The following TPH2 variants were observed in gnomAD, a reference collection of about 807,000 sequenced individuals.
TPH2 encodes the protein tryptophan hydroxylase 2.
TPH2 carries 27 observed loss-of-function variants against 59.1 expected under a neutral mutation model. The observed-to-expected ratio is 0.46, with a 90% CI of 0.34 to 0.63. The LOEUF (loss-of-function observed/expected upper bound fraction) is 0.63. Among genes scored for constraint, TPH2 ranks in the 30% least tolerant of loss-of-function variants. TPH2 has a pLI of 0.01. For missense variants in TPH2, 523 were observed against 588.3 expected, an observed-to-expected ratio of 0.89 and a Z score of 1.15; for synonymous variants, 220 against 210.5, an observed-to-expected ratio of 1.05 and a Z score of -0.39.
In TPH2 at chr12:71,940,299, C is replaced by G. The variant is rs527872359; in HGVS notation, c.105+1208C>G. Among the ~76,000 whole-genome samples the G allele has an allele frequency of 1.5e-3, 231 of 152,222 alleles. 3 individuals carry two copies. The highest frequency in any genetic ancestry group is 1.2e-4 in the Non-Finnish European group (8 of 67,998). Reference sequence around the variant, plus strand: ...ACTGAGACATTTGAGCTTTTAATGACTAAACATACTGTCAAATGTCAATGT... The same window carrying G: ...ACTGAGACATTTGAGCTTTTAATGAGTAAACATACTGTCAAATGTCAATGT... On this transcript the variant is annotated intron_variant, in intron 1 of 10. Transcript: ENST00000333850.
intron 6 of TPH2, among the ~76,000 whole-genome samples, chr12:71,974,751 G>A (rs528860616): frequency 6.6e-6 from 1 of 152,240 alleles, no homozygotes; most frequent in South Asian, 2.1e-4. Flanking sequence ...TGGTAAATCT[G>A]TCCTTTTCCT....
At chr12:71,957,475 T>C (rs1399118582) in intron 5 of TPH2, among the ~76,000 whole-genome samples, 3 of 151,956 alleles carry the variant, frequency 2.0e-5, no homozygotes, top group Non-Finnish European at 4.4e-5. Flanking sequence ...TTGCTGGGAC[T>C]ACAGGTGTGT....
At chr12:71,981,988 A>ATT in intron 7 of TPH2, among the ~76,000 whole-genome samples, 1 of 83,452 alleles carries the variant, frequency 1.2e-5, no homozygotes, top group East Asian at 3.0e-4. Context: ...CAAGCCCTTT[A>ATT]TTTTTTGTGG....
chr12:72,001,727 C>A (rs1872828248), intron 8 of TPH2, among the ~76,000 whole-genome samples: 1 of 152,090 alleles, frequency 6.6e-6, no homozygotes, highest in Admixed American at 6.5e-5. Flanking sequence ...TGGAGTGAAT[C>A]TCCAAAAGTG....
rs1166215576 is a variant in TPH2 at position 71,938,860 on chromosome 12, AC to A, written c.-125del. 5 of 788,594 alleles carry A rather than the reference AC, an allele frequency of 6.3e-6. No homozygotes were observed. Among genetic ancestry groups the A allele is most frequent in the Non-Finnish European group, 1.1e-5 (5 of 447,938 alleles). The allele number at this position is 788,594 out of a possible 1,614,324, so 48.8% of individuals were successfully genotyped here. On this transcript the variant is annotated 5_prime_UTR_variant, in exon 1 of 11. Coordinates refer to ENST00000333850, the MANE Select transcript of TPH2 (RefSeq NM_173353.4). ...GGGAGGATTCGCATTGCTCTTCAGC[AC>A]CAGGGTTCTGGACAGCGCCCCAAGC...
intron 6 of TPH2, among the ~76,000 whole-genome samples, chr12:71,978,145 A>C (rs1872171137): frequency 6.6e-6 from 1 of 151,994 alleles, no homozygotes; most frequent in Non-Finnish European, 1.5e-5. Context: ...CTAACAATGC[A>C]TTTCCTAGAA....
chr12:71,987,747 C>T (rs950398311), intron 7 of TPH2, among the ~76,000 whole-genome samples: 2 of 152,050 alleles, frequency 1.3e-5, no homozygotes, highest in South Asian at 2.1e-4. Context: ...AGCTACTCGG[C>T]GGGCTGAGGC....
chr12:71,961,575 A>G, intron 5 of TPH2: 1 of 1,352,112 alleles, frequency 7.4e-7, no homozygotes, highest in South Asian at 1.1e-5. Flanking sequence ...GTTAGCTGCT[A>G]TTGGCGACTG....
chr12:71,994,591 A>C (rs571084154), intron 8 of TPH2, 26 bp downstream of exon 8: 1 of 1,613,224 alleles, frequency 6.2e-7, no homozygotes, highest in Middle Eastern at 1.7e-4. Flanking sequence ...ACTTAAAACC[A>C]GTGCTATTTA....
At chr12:72,021,188 T>C (rs1218192241) in intron 8 of TPH2, among the ~76,000 whole-genome samples, 1 of 152,196 alleles carries the variant, frequency 6.6e-6, no homozygotes, top group Non-Finnish European at 1.5e-5. Context: ...GAGTTCAGCC[T>C]CTCTCAACAG....
chr12:71,999,751 G>A (rs1872776469), intron 8 of TPH2, among the ~76,000 whole-genome samples: 1 of 152,160 alleles, frequency 6.6e-6, no homozygotes, highest in Admixed American at 6.5e-5. Flanking sequence ...GAAAACAAAA[G>A]GTTCTTTGGC....
chr12:72,019,937 G>T (rs1416366025), intron 8 of TPH2, among the ~76,000 whole-genome samples: 1 of 152,152 alleles, frequency 6.6e-6, no homozygotes, highest in Non-Finnish European at 1.5e-5. Flanking sequence ...ACTAGAACTT[G>T]GATCCCTTTG....
At chr12:72,014,521 G>A (rs1873187678) in intron 8 of TPH2, among the ~76,000 whole-genome samples, 1 of 151,654 alleles carries the variant, frequency 6.6e-6, no homozygotes, top group Non-Finnish European at 1.5e-5. Context: ...CTCCAGAGTA[G>A]CTGGGATTAC....
rs147158280 is a variant in TPH2, at chr12:71,950,365, A to G, written c.608+710A>G. 9.0e-4 allele frequency among the ~76,000 whole-genome samples: 137 copies of G among 152,182 alleles called. 4 individuals carry two copies. In the East Asian group the frequency reaches 0.014, roughly 15 times the overall value. ...AGCGAAGGGAGATAAGGGTGGGGCC[A>G]TTTTATAGGATTTGGGTCAATAAAG... is the stretch of plus-strand genomic sequence containing the variant. On this transcript the variant is annotated intron_variant, in intron 5 of 10. Transcript: ENST00000333850.
intron 8 of TPH2, among the ~76,000 whole-genome samples, chr12:71,998,028 C>T (rs1002728920): frequency 1.3e-5 from 2 of 152,060 alleles, no homozygotes; most frequent in Admixed American, 6.6e-5. Context: ...TCCAAGGAGG[C>T]CAACCTACCT....
chr12:72,017,529 CT>C (rs1873293148), intron 8 of TPH2, among the ~76,000 whole-genome samples: 1 of 152,026 alleles, frequency 6.6e-6, no homozygotes, highest in African/African-American at 2.4e-5. Context: ...TGAACACCAG[CT>C]TTGATGAAAG....
chr12:72,000,430 G>A (rs1872793701), intron 8 of TPH2, among the ~76,000 whole-genome samples: 1 of 152,178 alleles, frequency 6.6e-6, no homozygotes, highest in East Asian at 1.9e-4. Flanking sequence ...TGTATACGAA[G>A]TAACCTGAGG....
Position 71,944,594 on chromosome 12 carries a change from G to T in TPH2, c.448G>T (p.Asp150Tyr). ...TGCACTGTTTTCAACAGAGCTAGAG[G>T]ATGTGCCCTGGTTCCCTCGGAAGAT... The part of the protein sequence containing the change: ...NIWTEEEELE[D>Y]VPWFPRKISE... Residue 150 changes from aspartate to tyrosine, a missense_variant, in exon 4 of 11, where the codon GAT becomes TAT. Transcript: ENST00000333850. 1 of 1,613,918 alleles carries T rather than the reference G, an allele frequency of 6.2e-7. No homozygotes were observed.
At chr12:71,979,698 T>G (rs1872218706) in intron 7 of TPH2, among the ~76,000 whole-genome samples, 1 of 152,148 alleles carries the variant, frequency 6.6e-6, no homozygotes. Flanking sequence ...GGAGAGAAGC[T>G]AAGAGGTGAT....
Sources: gnomAD v4.1 joint callset for allele counts (sites outside exome capture counted in the v4.1 genomes callset) on GRCh38, gnomAD v4.1.1 for gene constraint, MANE v1.5 for transcripts, NCBI Gene and HGNC (gene_info 2026-07-23, HGNC 2026-07-21) for gene names.